ITIH5: variants seen among roughly 807,000 people sequenced by gnomAD.
The protein encoded by ITIH5 is inter-alpha-trypsin inhibitor heavy chain H5.
Under a neutral mutation model 77.5 loss-of-function variants are expected in ITIH5, and 65 were observed. The ratio of observed to expected loss-of-function variants is 0.84; its 90% CI spans 0.69 to 1.03. The LOEUF (loss-of-function observed/expected upper bound fraction) is 1.03, where lower values mean the gene tolerates loss of function less well. ITIH5 is among the 50% of genes least tolerant of loss of function. The pLI is 0.00. For synonymous variants in ITIH5, 525 were observed against 494.3 expected, an observed-to-expected ratio of 1.06 and a Z score of -0.82; for missense variants, 1,208 against 1,213.1, an observed-to-expected ratio of 1.00 and a Z score of 0.06.
intron 11 of ITIH5, among the ~76,000 whole-genome samples, chr10:7,570,865 A>G (rs1366365801): frequency 6.6e-6 from 1 of 151,714 alleles, no homozygotes; most frequent in African/African-American, 2.4e-5. Flanking sequence ...CAAGCATTCC[A>G]CCCACCTCAG....
intron 10 of ITIH5, among the ~76,000 whole-genome samples, chr10:7,575,172 T>A (rs1832385043): frequency 6.6e-6 from 1 of 152,218 alleles, no homozygotes. Context: ...GTGTCTGACA[T>A]TTGTGCAAAA....
chr10:7,649,909 C>T (rs923606904), intron 2 of ITIH5, among the ~76,000 whole-genome samples: 14 of 152,198 alleles, frequency 9.2e-5, no homozygotes, highest in African/African-American at 3.4e-4. Context: ...GTGCACGGTT[C>T]TTAAAAATCC....
chr10:7,661,124 C>T (rs1207592091), intron 1 of ITIH5, among the ~76,000 whole-genome samples: 1 of 152,180 alleles, frequency 6.6e-6, no homozygotes, highest in African/African-American at 2.4e-5. Flanking sequence ...CTTACTAATG[C>T]CTGGTGATTT....
At position 7,654,283 on chromosome 10, in the gene ITIH5, C is replaced by T. The variant is rs191216948; in HGVS notation, c.135+1348G>A. 6.6e-5 allele frequency among the ~76,000 whole-genome samples: 10 copies of T among 152,306 alleles called. No individual in the cohort carries two copies. The East Asian group carries it at 1.9e-3, about 29-fold the overall frequency. On this transcript the variant is annotated intron_variant, in intron 2 of 13. Transcript: ENST00000397146. ...ATTTTTCAGTGGCACTTGTCATCAT[C>T]TCAATTATCAGTATGCTTACAATTT...
In ITIH5 at chr10:7,576,600, TCA is replaced by T. The variant is rs765727077; in HGVS notation, c.1829_1830del (p.Val610GlufsTer62). 1.2e-6 allele frequency: 2 copies of T among 1,614,058 alleles called. No homozygotes were observed. The highest frequency in any genetic ancestry group is 1.1e-5 in the South Asian group (1 of 91,080). ...RLRQRAQALA[V>X]SYRFLTPFTS... ...GTGAAGGGAGTGAGGAAGCGGTAGCTCACAGCCAGGGCCTGGGCCCGCTGCCG... is the reference window on the plus strand; with the variant it reads ...GTGAAGGGAGTGAGGAAGCGGTAGCTCAGCCAGGGCCTGGGCCCGCTGCCG... On this transcript the variant is annotated frameshift_variant, in exon 10 of 14. Transcript: ENST00000397146. LOFTEE classifies it high-confidence loss of function.
rs1406593255 is a variant in ITIH5 at position 7,572,269 on chromosome 10, G to T, written c.2032+873C>A. The T allele has an allele frequency of 2.2e-6, 3 of 1,352,148 alleles. No individual in the cohort carries two copies. In the African/African-American group the frequency reaches 4.5e-5, roughly 20 times the overall value. 83.8% of individuals were successfully genotyped at this position (1,352,148 alleles called of 1,614,324 possible). On this transcript the variant is annotated intron_variant, in intron 11 of 13. Transcript: ENST00000397146. ...AATCAAGACTTCCAGAGGATGATCT[G>T]GACACAGCAGAACAAAACCCAGTCA...
At position 7,559,965 on chromosome 10, in the gene ITIH5, C is replaced by T. The variant is rs1832011342; in HGVS notation, c.*3118G>A. The T allele has an allele frequency of 2.5e-6, 1 of 408,032 alleles. No homozygotes were observed. The highest frequency in any genetic ancestry group is 2.1e-5 in the African/African-American group (1 of 47,124). 25.3% of individuals were successfully genotyped at this position (408,032 alleles called of 1,614,324 possible). ...CTGCCTGGTTCAAGCGATTCTCCTG[C>T]CTCAGCCTCCCAAGTAGCTGGAACT... On this transcript the variant is annotated 3_prime_UTR_variant, in exon 14 of 14. Coordinates refer to ENST00000397146, the MANE Select transcript of ITIH5 (RefSeq NM_030569.7).
chr10:7,583,608 A>G (rs1410056369), intron 8 of ITIH5, among the ~76,000 whole-genome samples: 1 of 152,212 alleles, frequency 6.6e-6, no homozygotes, highest in East Asian at 1.9e-4. Context: ...TGCCAGGGTT[A>G]TAGGTATGAG....
intron 5 of ITIH5, among the ~76,000 whole-genome samples, chr10:7,636,477 T>C (rs1833799621): frequency 6.6e-6 from 1 of 152,224 alleles, no homozygotes; most frequent in Admixed American, 6.5e-5. Flanking sequence ...TTTATCAGCT[T>C]CATATTTAAC....
chr10:7,660,045 G>A (rs1834251944), intron 1 of ITIH5, among the ~76,000 whole-genome samples: 1 of 152,116 alleles, frequency 6.6e-6, no homozygotes, highest in African/African-American at 2.4e-5. Flanking sequence ...CCAAATCATG[G>A]ACTTAAGAGA....
chr10:7,568,873 C>T (rs1404861773), intron 12 of ITIH5, among the ~76,000 whole-genome samples: 1 of 152,194 alleles, frequency 6.6e-6, no homozygotes, highest in Non-Finnish European at 1.5e-5. Flanking sequence ...TAACATGTGA[C>T]ATCCCATGTA....
chr10:7,583,819 G>A (rs887607143), intron 8 of ITIH5, among the ~76,000 whole-genome samples: 2 of 152,204 alleles, frequency 1.3e-5, no homozygotes, highest in Non-Finnish European at 2.9e-5. Context: ...ACAGCCACCA[G>A]AGGCCCTGCA....
chr10:7,621,798 G>A (rs1430642263), intron 5 of ITIH5: 1 of 152,068 alleles, frequency 6.6e-6, no homozygotes, highest in African/African-American at 2.4e-5. Context: ...TGTGAATGGG[G>A]GCTCACCCTG....
At chr10:7,626,907 C>T (rs765954410) in intron 5 of ITIH5, among the ~76,000 whole-genome samples, 4 of 152,134 alleles carry the variant, frequency 2.6e-5, no homozygotes, top group Non-Finnish European at 4.4e-5. Flanking sequence ...AAGTGCTAGA[C>T]CCAAGATCTG....
intron 12 of ITIH5, chr10:7,569,372 G>A (rs536118166): frequency 3.6e-6 from 1 of 278,554 alleles, no homozygotes; most frequent in South Asian, 1.6e-4. Context: ...TTCATAACCA[G>A]TTTCATTTGA....
rs915537199 is a variant in ITIH5 at position 7,559,618 on chromosome 10, G to T, written c.*3465C>A. 7.3e-6 allele frequency: 2 copies of T among 272,322 alleles called. No individual in the cohort carries two copies. Among genetic ancestry groups the T allele is most frequent in the Non-Finnish European group, 1.4e-5 (2 of 140,160 alleles). 16.9% of individuals were successfully genotyped at this position (272,322 alleles called of 1,614,324 possible). A position where few individuals can be genotyped will look rare whatever the true frequency, so the allele number is the denominator to read the frequency against. ...CAGAAAAAGAATTAACGTTTTGAATGATTTGGTGTCTTAGTCAGCTTGGGC... is the reference window on the plus strand; with the variant it reads ...CAGAAAAAGAATTAACGTTTTGAATTATTTGGTGTCTTAGTCAGCTTGGGC... On this transcript the variant is annotated 3_prime_UTR_variant, in exon 14 of 14. Coordinates refer to ENST00000397146, the MANE Select transcript of ITIH5 (RefSeq NM_030569.7).
chr10:7,607,358 A>G (rs1300844693), intron 7 of ITIH5, among the ~76,000 whole-genome samples: 2 of 152,222 alleles, frequency 1.3e-5, no homozygotes, highest in Non-Finnish European at 2.9e-5. Context: ...AACAGAAACC[A>G]TCTGGGGGCC....
At chr10:7,597,654 A>G (rs1832933614) in intron 7 of ITIH5, among the ~76,000 whole-genome samples, 1 of 150,578 alleles carries the variant, frequency 6.6e-6, no homozygotes, top group African/African-American at 2.4e-5. Context: ...CGTACACAGC[A>G]TGGTCCCAAG....
At position 7,629,035 on chromosome 10, in the gene ITIH5, CTGTTGTAGCGTGTGTCCA is replaced by C. The variant is rs1383188850; in HGVS notation, c.652+8175_652+8192del. On this transcript the variant is annotated intron_variant, in intron 5 of 13. Coordinates refer to ENST00000397146, the MANE Select transcript of ITIH5 (RefSeq NM_030569.7). ...TGTATCTGTGTTTTCACATGTGTCC[CTGTTGTAGCGTGTGTCCA>C]TGTTGTAGCGTGTGCCCATGTTGTA... Among the ~76,000 whole-genome samples the C allele has an allele frequency of 1.2e-4, 11 of 90,480 alleles. 1 individual carries two copies. Among genetic ancestry groups the C allele is most frequent in the East Asian group, 3.5e-4 (1 of 2,884 alleles). The allele number at this position is 90,480 out of a possible 152,430, so 59.4% of individuals were successfully genotyped here. A position where few individuals can be genotyped will look rare whatever the true frequency, so the allele number is the denominator to read the frequency against.
Sources: allele counts gnomAD v4.1 joint callset (sites outside exome capture counted in the v4.1 genomes callset), GRCh38; gene constraint gnomAD v4.1.1; transcripts MANE v1.5; gene names NCBI Gene and HGNC (gene_info 2026-07-23, HGNC 2026-07-21).